The following KLHL1 variants were observed in gnomAD, a reference collection of about 807,000 sequenced individuals.
KLHL1 encodes the protein kelch-like protein 1.
A neutral mutation model predicts 77.7 loss-of-function variants in KLHL1; 47 were observed. That is an observed-to-expected ratio of 0.60 (90% CI 0.48 to 0.77). The LOEUF (loss-of-function observed/expected upper bound fraction) is 0.77, where lower values mean the gene tolerates loss of function less well. Ranked by LOEUF, KLHL1 falls within the 30% of genes least tolerant of loss-of-function variation. The probability of loss-of-function intolerance (pLI) is 0.00; values close to 1 mark genes in which losing one functional copy is unlikely to be tolerated. For synonymous variants in KLHL1, 360 were observed against 325.2 expected, an observed-to-expected ratio of 1.11 and a Z score of -1.15; for missense variants, 925 against 910.8, an observed-to-expected ratio of 1.02 and a Z score of -0.20.
chr13:70,083,642 T>C (rs537003302), intron 1 of KLHL1, among the ~76,000 whole-genome samples: 11 of 152,182 alleles, frequency 7.2e-5, no homozygotes, highest in Non-Finnish European at 1.6e-4. Context: ...GTAAAAACTT[T>C]AATCAAAGAA....
intron 1 of KLHL1, among the ~76,000 whole-genome samples, chr13:70,041,968 G>A (rs1886388902): frequency 6.6e-6 from 1 of 151,808 alleles, no homozygotes; most frequent in East Asian, 1.9e-4. Context: ...TTCTTTGTTT[G>A]TTTCCTGTTG....
chr13:69,706,152 TA>T (rs1015178631), intron 10 of KLHL1, among the ~76,000 whole-genome samples: 4 of 149,382 alleles, frequency 2.7e-5, no homozygotes, highest in African/African-American at 9.8e-5. Flanking sequence ...TACTTGCTTT[TA>T]TTTTTTTTTT....
At chr13:70,042,522 T>TA (rs1443666822) in intron 1 of KLHL1, among the ~76,000 whole-genome samples, 1 of 152,024 alleles carries the variant, frequency 6.6e-6, no homozygotes, top group African/African-American at 2.4e-5. Context: ...CACCCAAAAG[T>TA]AATTGCACAA....
intron 2 of KLHL1, among the ~76,000 whole-genome samples, chr13:69,975,137 C>T (rs1009730476): frequency 1.6e-4 from 24 of 151,950 alleles, no homozygotes; most frequent in African/African-American, 5.5e-4. Flanking sequence ...CAGTATGACA[C>T]AATTTTAAAT....
chr13:70,107,382 C>T lies in KLHL1; in HGVS notation c.318G>A (p.Gly106=). Residue 106 remains glycine (G), a synonymous_variant, in exon 1 of 11, where the codon GGG becomes GGA. Transcript: ENST00000377844. ...LLPVATRLQQ[G]APGQGTQQPA... ...GCTGCTGAGTGCCCTGCCCAGGAGCCCCTTGCTGCAGCCTCGTGGCAACTG... is the reference window on the plus strand; with the variant it reads ...GCTGCTGAGTGCCCTGCCCAGGAGCTCCTTGCTGCAGCCTCGTGGCAACTG... The T allele has an allele frequency of 6.2e-7, 1 of 1,614,040 alleles. No homozygotes were observed. The highest frequency in any genetic ancestry group is 1.3e-5 in the African/African-American group (1 of 74,946).
chr13:69,815,310 C>T (rs112564139), intron 6 of KLHL1, among the ~76,000 whole-genome samples: 11,508 of 152,160 alleles, frequency 0.076, 524 homozygotes, highest in Non-Finnish European at 0.099. Flanking sequence ...ACCCAGTTGC[C>T]GACCAATGGT....
chr13:69,921,921 A>T (rs1052031297), intron 4 of KLHL1, among the ~76,000 whole-genome samples: 11 of 122,640 alleles, frequency 9.0e-5, no homozygotes, highest in African/African-American at 2.8e-4. Context: ...TGAATGATTG[A>T]TTTTTTTTTT....
At chr13:69,990,606 A>T (rs1885004766) in intron 1 of KLHL1, among the ~76,000 whole-genome samples, 1 of 152,078 alleles carries the variant, frequency 6.6e-6, no homozygotes, top group South Asian at 2.1e-4. Context: ...AGTTCAGTTG[A>T]ACAAGAAGAC....
intron 6 of KLHL1, among the ~76,000 whole-genome samples, chr13:69,798,957 C>T (rs1034703107): frequency 2.6e-5 from 4 of 152,124 alleles, no homozygotes; most frequent in African/African-American, 9.6e-5. Context: ...GGCATGGTGG[C>T]TCATGCCTGT....
chr13:70,107,186 G>A lies in KLHL1; in HGVS notation c.497+17C>T. 6.4e-7 allele frequency: 1 copy of A among 1,573,760 alleles called. No homozygotes were observed. The stretch of plus-strand genomic sequence containing the variant: ...AAATTGAGAGATGCTTGGAAGCCCC[G>A]TGGGGACTTACTGTACCTGTGTCCA... On this transcript the variant is annotated intron_variant, in intron 1 of 10. Coordinates refer to ENST00000377844, the MANE Select transcript of KLHL1 (RefSeq NM_020866.3).
chr13:69,862,752 CTGTT>C (rs1458030185), intron 5 of KLHL1, among the ~76,000 whole-genome samples: 2 of 151,812 alleles, frequency 1.3e-5, no homozygotes, highest in Admixed American at 6.6e-5. Context: ...AGATCTCTCT[CTGTT>C]TGTTTCTTCA....
At chr13:69,921,347 A>G (rs774673384) in intron 4 of KLHL1, among the ~76,000 whole-genome samples, 13 of 152,198 alleles carry the variant, frequency 8.5e-5, no homozygotes, top group Non-Finnish European at 1.8e-4. Context: ...ATGGGATTCT[A>G]TCCAGCTGAT....
chr13:69,957,197 G>A (rs1266498364), intron 3 of KLHL1, among the ~76,000 whole-genome samples: 3 of 151,610 alleles, frequency 2.0e-5, no homozygotes, highest in East Asian at 1.9e-4. Context: ...AAATGCTCAC[G>A]AAACTGTTTT....
chr13:69,735,105 T>G (rs958167630), intron 8 of KLHL1, among the ~76,000 whole-genome samples: 1 of 152,014 alleles, frequency 6.6e-6, no homozygotes, highest in Non-Finnish European at 1.5e-5. Context: ...AGAGTATTTA[T>G]GCAAATTACC....
chr13:69,776,441 T>C (rs570846664), intron 7 of KLHL1, among the ~76,000 whole-genome samples: 4 of 152,356 alleles, frequency 2.6e-5, no homozygotes, highest in Admixed American at 6.5e-5. Context: ...ATCTTTCTAG[T>C]TCTCAGTTTT....
At chr13:69,806,072 T>C (rs1380777921) in intron 6 of KLHL1, among the ~76,000 whole-genome samples, 1 of 152,142 alleles carries the variant, frequency 6.6e-6, no homozygotes. Context: ...CCCTAATACA[T>C]ATGAGTATTT....
intron 6 of KLHL1, among the ~76,000 whole-genome samples, chr13:69,800,449 A>G (rs1323029926): frequency 1.3e-5 from 2 of 152,160 alleles, no homozygotes; most frequent in African/African-American, 4.8e-5. Flanking sequence ...TCAGTTATAT[A>G]AAGTTAAGCA....
chr13:69,815,686 C>A (rs1255632742), intron 6 of KLHL1, among the ~76,000 whole-genome samples: 1 of 151,994 alleles, frequency 6.6e-6, no homozygotes, highest in South Asian at 2.1e-4. Flanking sequence ...AACAAACATG[C>A]ACATGTACCC....
At chr13:70,103,968 G>C (rs894498176) in intron 1 of KLHL1, among the ~76,000 whole-genome samples, 2 of 152,104 alleles carry the variant, frequency 1.3e-5, no homozygotes, top group African/African-American at 4.8e-5. Flanking sequence ...AAAACCATGG[G>C]ATAAAATGAC....
Sources: gnomAD v4.1 joint callset for allele counts (sites outside exome capture counted in the v4.1 genomes callset) on GRCh38, gnomAD v4.1.1 for gene constraint, MANE v1.5 for transcripts, NCBI Gene and HGNC (gene_info 2026-07-23, HGNC 2026-07-21) for gene names.